The following CDIP1 variants were observed in gnomAD, a reference collection of about 807,000 sequenced individuals.
CDIP1 encodes cell death inducing p53 target 1, also known as cell death-inducing p53-target protein 1.
CDIP1 carries 9 observed loss-of-function variants against 17.7 expected under a neutral mutation model. The observed-to-expected ratio is 0.51, with a 90% confidence interval of 0.31 to 0.89. CDIP1 has a LOEUF of 0.89. CDIP1 is among the 40% of genes least tolerant of loss of function. The probability of loss-of-function intolerance (pLI) is 0.05; values close to 1 mark genes in which losing one functional copy is unlikely to be tolerated. For synonymous variants in CDIP1, 117 were observed against 109.5 expected, an observed-to-expected ratio of 1.07 and a Z score of -0.43; for missense variants, 263 against 277.9, an observed-to-expected ratio of 0.95 and a Z score of 0.38.
Position 4,514,076 on chromosome 16 carries a change from C to T in CDIP1, c.55G>A (p.Glu19Lys). The change falls in exon 3 of 6, where the codon GAA becomes AAA. Residue 19 changes from glutamate to lysine, a missense_variant. Transcript: ENST00000567695. This position sits in a 1 kb window ranked among gnomAD's most constrained non-coding sequence, Gnocchi z 5.2. ...YPGGPTAPLL[E>K]EKSGAPPTPG... ...GTGGGCGGGGCTCCACTTTTCTCTTCCAGAAGTGGGGCTGTGGGGCCCCCA... is the reference window on the plus strand; with the variant it reads ...GTGGGCGGGGCTCCACTTTTCTCTTTCAGAAGTGGGGCTGTGGGGCCCCCA... The T allele has an allele frequency of 6.5e-7, 1 of 1,534,624 alleles. No individual in the cohort carries two copies. The highest frequency in any genetic ancestry group is 8.7e-7 in the Non-Finnish European group (1 of 1,151,008).
chr16:4,517,070 C>A (rs978095651), intron 1 of CDIP1, among the ~76,000 whole-genome samples: 6 of 152,164 alleles, frequency 3.9e-5, no homozygotes, highest in African/African-American at 1.2e-4. Context: ...TCATGAAATA[C>A]AAGAGAACAC....
In CDIP1 at chr16:4,513,629, C is replaced by T; in HGVS notation, c.241+67G>A. ...AGCAGATGCCCACCTGTACTGAGGACAGCCAGCGCAGGCCAGACAGCAGCC... is the reference window on the plus strand; with the variant it reads ...AGCAGATGCCCACCTGTACTGAGGATAGCCAGCGCAGGCCAGACAGCAGCC... On this transcript the variant is annotated intron_variant, in intron 4 of 5. Coordinates refer to ENST00000567695, the MANE Select transcript of CDIP1 (RefSeq NM_013399.3). This position sits in a 1 kb window ranked among gnomAD's most constrained non-coding sequence, Gnocchi z 4.1. 7.0e-7 allele frequency: 1 copy of T among 1,431,492 alleles called. No homozygotes were observed. The highest frequency in any genetic ancestry group is 9.7e-7 in the Non-Finnish European group (1 of 1,029,234). 88.7% of individuals were successfully genotyped at this position (1,431,492 alleles called of 1,614,324 possible).
rs1407591060 is a variant in CDIP1 at position 4,514,411 on chromosome 16, TCCC to T, written c.-15+161_-15+163del. On this transcript the variant is annotated intron_variant, in intron 2 of 5. Coordinates refer to ENST00000567695, the MANE Select transcript of CDIP1 (RefSeq NM_013399.3). The surrounding 1 kb of genome is among the most constrained non-coding windows in gnomAD (Gnocchi z 5.2). ...GGAAGCAGGGCCCAGTGAGGTAAAG[TCCC>T]CCAAGGAGCCTAACTCAGCACTTGC... Among the ~76,000 whole-genome samples the T allele has an allele frequency of 2.0e-5, 3 of 151,984 alleles. No homozygotes were observed. Among genetic ancestry groups the T allele is most frequent in the African/African-American group, 7.3e-5 (3 of 41,358 alleles).
intron 1 of CDIP1, among the ~76,000 whole-genome samples, chr16:4,523,451 T>C (rs563596716): frequency 1.3e-5 from 2 of 151,622 alleles, no homozygotes; most frequent in South Asian, 4.2e-4. Flanking sequence ...GAGGCGGAGG[T>C]TGTAGTGAGC....
At chr16:4,515,929 A>T (rs559158930) in intron 1 of CDIP1, among the ~76,000 whole-genome samples, 2 of 152,292 alleles carry the variant, frequency 1.3e-5, no homozygotes, top group African/African-American at 4.8e-5. Context: ...ACCCCTAGTT[A>T]TCTGCCCAAA....
intron 1 of CDIP1, among the ~76,000 whole-genome samples, chr16:4,531,854 C>T (rs951425855): frequency 6.6e-6 from 1 of 152,240 alleles, no homozygotes; most frequent in South Asian, 2.1e-4. Context: ...AGTTCCTTCA[C>T]ATGCGTTCCA....
chr16:4,523,139 C>T (rs2058967919), intron 1 of CDIP1, among the ~76,000 whole-genome samples: 1 of 152,202 alleles, frequency 6.6e-6, no homozygotes, highest in South Asian at 2.1e-4. Context: ...AACAGAGGCC[C>T]TCTAAGGGGA....
At chr16:4,520,569 C>T (rs8051389) in intron 1 of CDIP1, among the ~76,000 whole-genome samples, 82,555 of 151,968 alleles carry the variant, frequency 0.54, 25,782 homozygotes, top group Non-Finnish European at 0.7. Context: ...CCTGAAAATA[C>T]GGGTTCCTGT....
At chr16:4,525,879 G>A (rs2058994820) in intron 1 of CDIP1, among the ~76,000 whole-genome samples, 1 of 152,208 alleles carries the variant, frequency 6.6e-6, no homozygotes, top group Admixed American at 6.5e-5. Context: ...GATGGAGGCA[G>A]GACGAGACAG....
At chr16:4,516,331 C>T (rs985942663) in intron 1 of CDIP1, among the ~76,000 whole-genome samples, 2 of 152,106 alleles carry the variant, frequency 1.3e-5, no homozygotes, top group African/African-American at 4.8e-5. Flanking sequence ...CCGATTGTAG[C>T]AACAGTTGAA....
At chr16:4,538,476 T>C (rs1454850265) in intron 1 of CDIP1, 1 of 136,832 alleles carries the variant, frequency 7.3e-6, no homozygotes, top group Non-Finnish European at 1.6e-5. Flanking sequence ...CAGAGGCTTC[T>C]AGGACTTGTA....
intron 1 of CDIP1, among the ~76,000 whole-genome samples, chr16:4,527,068 G>A (rs8044698): frequency 0.1 from 15,406 of 150,602 alleles, 1,767 homozygotes; most frequent in African/African-American, 0.28. Flanking sequence ...GGAAGTACAC[G>A]AGAAAAAAGA....
chr16:4,512,620 T>C lies in CDIP1; in HGVS notation c.579A>G (p.Thr193=). ...AGATGTAGGCTTTGCAGCTGGGGCA[T>C]GTGTGCGTCACATCCTTGAAGTCAT... ...LINDFKDVTH[T]CPSCKAYIYT... Residue 193 remains threonine, a synonymous_variant, in exon 6 of 6, where the codon ACA becomes ACG. Transcript: ENST00000567695. This position sits in a 1 kb window ranked among gnomAD's most constrained non-coding sequence, Gnocchi z 4.6. 1 of 1,613,612 alleles carries C rather than the reference T, an allele frequency of 6.2e-7. No individual in the cohort carries two copies. Among genetic ancestry groups the C allele is most frequent in the African/African-American group, 1.3e-5 (1 of 74,858 alleles).
chr16:4,518,785 A>G (rs956541793), intron 1 of CDIP1, among the ~76,000 whole-genome samples: 11 of 152,260 alleles, frequency 7.2e-5, no homozygotes, highest in African/African-American at 2.4e-4. Flanking sequence ...TCACACGATC[A>G]GAAGCAAAAT....
intron 1 of CDIP1, among the ~76,000 whole-genome samples, chr16:4,516,815 C>A (rs1303031654): frequency 6.8e-6 from 1 of 146,040 alleles, no homozygotes; most frequent in Non-Finnish European, 1.5e-5. Context: ...CCCAGCGATT[C>A]TCCTGCCTCA....
chr16:4,531,185 C>T (rs527579172), intron 1 of CDIP1, among the ~76,000 whole-genome samples: 13 of 152,176 alleles, frequency 8.5e-5, no homozygotes, highest in Admixed American at 3.3e-4. Context: ...CCTGCCACCA[C>T]ACCCAGCTAG....
intron 1 of CDIP1, among the ~76,000 whole-genome samples, chr16:4,537,795 C>T (rs1394742047): frequency 6.6e-6 from 1 of 152,218 alleles, no homozygotes; most frequent in Non-Finnish European, 1.5e-5. Context: ...GCCACTCGCC[C>T]CACCTCATCT....
In CDIP1 at chr16:4,512,264, G is replaced by C; in HGVS notation, c.*308C>G. 1 of 460,348 alleles carries C rather than the reference G, an allele frequency of 2.2e-6. No individual in the cohort carries two copies. The allele number at this position is 460,348 out of a possible 1,614,324, so 28.5% of individuals were successfully genotyped here. On this transcript the variant is annotated 3_prime_UTR_variant, in exon 6 of 6. Transcript: ENST00000567695. This position sits in a 1 kb window ranked among gnomAD's most constrained non-coding sequence, Gnocchi z 4.6. ...AACCTGTACCTTGTTTGGAAACAGA[G>C]GCATCAGGACCCCAGCAGGAGACCC... is the stretch of plus-strand genomic sequence containing the variant.
At chr16:4,524,064 A>G (rs2058976665) in intron 1 of CDIP1, 1 of 152,166 alleles carries the variant, frequency 6.6e-6, no homozygotes, top group Non-Finnish European at 1.5e-5. Context: ...TGTCAATAGA[A>G]TATTGGGAGA....
Sources: gnomAD v4.1 joint callset for allele counts (sites outside exome capture counted in the v4.1 genomes callset) on GRCh38, gnomAD v4.1.1 for gene constraint, Gnocchi (gnomAD v3.1) non-coding constraint, MANE v1.5 for transcripts, NCBI Gene and HGNC (gene_info 2026-07-23, HGNC 2026-07-21) for gene names.